DLGAP2: variants seen among roughly 807,000 people sequenced by gnomAD.
DLGAP2 encodes disks large-associated protein 2.
In DLGAP2, 26 loss-of-function variants were observed where a neutral mutation model predicts 100.3. The ratio of observed to expected loss-of-function variants is 0.26; its 90% CI spans 0.19 to 0.36. The LOEUF is 0.36. Ranked by LOEUF, DLGAP2 falls within the 10% of genes least tolerant of loss-of-function variation. The pLI, the probability that DLGAP2 is intolerant of heterozygous loss-of-function variation, is 1.00. For missense variants in DLGAP2, 1,858 were observed against 1,453.2 expected (o/e 1.28, Z -4.53); for synonymous variants, 886 against 630.1 (o/e 1.41, Z -6.08).
chr8:1,306,074 C>CAAAAAAAAAAAAA (rs61647224), intron 3 of DLGAP2, among the ~76,000 whole-genome samples: 201 of 116,318 alleles, frequency 1.7e-3, no homozygotes, highest in African/African-American at 2.4e-3. Context: ...AGAAATTAGG[C>CAAAAAAAAAAAAA]AAAAAAAAAA....
At chr8:1,288,717 TGTTTC>T (rs1299347604) in intron 3 of DLGAP2, among the ~76,000 whole-genome samples, 5 of 147,188 alleles carry the variant, frequency 3.4e-5, no homozygotes, top group South Asian at 2.2e-4. Flanking sequence ...TAGGGGAACT[TGTTTC>T]GTTTCAGTGT....
At chr8:1,356,625 G>A (rs1455193889) in intron 3 of DLGAP2, among the ~76,000 whole-genome samples, 1 of 152,166 alleles carries the variant, frequency 6.6e-6, no homozygotes, top group African/African-American at 2.4e-5. Flanking sequence ...AAGTACGAGG[G>A]GAAAACAGAC....
At chr8:1,581,619 G>T (rs1008573853) in intron 6 of DLGAP2, among the ~76,000 whole-genome samples, 1 of 147,602 alleles carries the variant, frequency 6.8e-6, no homozygotes, top group African/African-American at 2.5e-5. Flanking sequence ...CAGAAGTGAA[G>T]GATACAGACA....
chr8:1,427,677 G>T (rs1273057780), intron 3 of DLGAP2, among the ~76,000 whole-genome samples: 2 of 152,174 alleles, frequency 1.3e-5, no homozygotes, highest in African/African-American at 4.8e-5. Flanking sequence ...GAGATCTGAT[G>T]GTTTTAAAAA....
At chr8:987,267 G>C (rs114498158) in intron 2 of DLGAP2, among the ~76,000 whole-genome samples, 2,528 of 152,224 alleles carry the variant, frequency 0.017, 77 homozygotes, top group African/African-American at 0.057. Context: ...CAGTCACCAT[G>C]TCTGAGATGG....
At chr8:859,261 G>A (rs975252254) in intron 1 of DLGAP2, among the ~76,000 whole-genome samples, 1 of 152,012 alleles carries the variant, frequency 6.6e-6, no homozygotes, top group African/African-American at 2.4e-5. Flanking sequence ...ACAGGCGCAC[G>A]CCACGAAGCC....
intron 2 of DLGAP2, among the ~76,000 whole-genome samples, chr8:914,095 A>G (rs1375696746): frequency 6.6e-6 from 1 of 152,280 alleles, no homozygotes; most frequent in Non-Finnish European, 1.5e-5. Context: ...ATTTCTTTTT[A>G]CCCAGATACT....
At chr8:857,224 G>A (rs61170573) in intron 1 of DLGAP2, among the ~76,000 whole-genome samples, 2,515 of 152,238 alleles carry the variant, frequency 0.017, 77 homozygotes, top group African/African-American at 0.057. Flanking sequence ...AACACAAAAT[G>A]CAAAACTATA....
At chr8:1,479,285 G>A (rs1259869935) in intron 3 of DLGAP2, among the ~76,000 whole-genome samples, 1 of 152,238 alleles carries the variant, frequency 6.6e-6, no homozygotes. Context: ...ATTGGGGGCG[G>A]TGGGGACAGA....
intron 1 of DLGAP2, among the ~76,000 whole-genome samples, chr8:843,321 G>T (rs1797015775): frequency 6.6e-6 from 1 of 152,194 alleles, no homozygotes; most frequent in Non-Finnish European, 1.5e-5. Flanking sequence ...TTTTCCCTCA[G>T]TCCTATTATC....
chr8:1,007,121 T>A (rs927213421), intron 2 of DLGAP2, among the ~76,000 whole-genome samples: 1 of 151,882 alleles, frequency 6.6e-6, no homozygotes, highest in African/African-American at 2.4e-5. Context: ...GTGTCTGAAG[T>A]CTCAGGATAT....
intron 2 of DLGAP2, among the ~76,000 whole-genome samples, chr8:1,158,284 C>A (rs1796828328): frequency 6.6e-6 from 1 of 152,136 alleles, no homozygotes; most frequent in Admixed American, 6.5e-5. Context: ...GTGCATTATA[C>A]TGAGGAAGCA....
chr8:1,174,055 C>G (rs1288168358), intron 2 of DLGAP2, among the ~76,000 whole-genome samples: 1 of 152,156 alleles, frequency 6.6e-6, no homozygotes, highest in East Asian at 1.9e-4. Context: ...CATGACACAG[C>G]TATGCCTGGG....
intron 2 of DLGAP2, among the ~76,000 whole-genome samples, chr8:1,249,216 C>G (rs572634887): frequency 1.1e-4 from 17 of 152,232 alleles, no homozygotes; most frequent in African/African-American, 3.9e-4. Context: ...AGGCTCAGAA[C>G]TCTTAGCATT....
At chr8:901,707 A>T (rs1798255261) in intron 1 of DLGAP2, among the ~76,000 whole-genome samples, 1 of 152,222 alleles carries the variant, frequency 6.6e-6, no homozygotes, top group Non-Finnish European at 1.5e-5. Context: ...TCCAGCAAGA[A>T]CAGCCTCGAT....
At chr8:1,052,337 G>A (rs1232442232) in intron 2 of DLGAP2, among the ~76,000 whole-genome samples, 1 of 152,126 alleles carries the variant, frequency 6.6e-6, no homozygotes, top group Admixed American at 6.5e-5. Flanking sequence ...AATGCCATGG[G>A]GTATTTAAAG....
At chr8:884,430 A>G (rs184550000) in intron 1 of DLGAP2, among the ~76,000 whole-genome samples, 60 of 150,558 alleles carry the variant, frequency 4.0e-4, no homozygotes, top group African/African-American at 1.3e-3. Context: ...GGCTGTGTAA[A>G]TGTCTTCTTT....
intron 8 of DLGAP2, among the ~76,000 whole-genome samples, chr8:1,648,516 A>G (rs1257399871): frequency 6.6e-6 from 1 of 152,130 alleles, no homozygotes; most frequent in East Asian, 1.9e-4. Flanking sequence ...GGAGGTTTGG[A>G]GGCATCTGGG....
In DLGAP2 at chr8:1,052,380, G is replaced by C. The variant is rs1462303920; in HGVS notation, c.73+144414G>C. On this transcript the variant is annotated intron_variant, in intron 2 of 14. Transcript: ENST00000637795. The stretch of plus-strand genomic sequence containing the variant: ...GCCTGTAATCCCTGACTCAAAGGCA[G>C]TAAAAAGGAAATAATTTTTGCAGGT... Among the ~76,000 whole-genome samples the C allele has an allele frequency of 1.3e-5, 2 of 152,230 alleles. 1 individual carries two copies. Among genetic ancestry groups the C allele is most frequent in the Non-Finnish European group, 2.9e-5 (2 of 68,050 alleles).
Sources: gnomAD v4.1 joint callset for allele counts (sites outside exome capture counted in the v4.1 genomes callset) on GRCh38, gnomAD v4.1.1 for gene constraint, MANE v1.5 for transcripts, NCBI Gene and HGNC (gene_info 2026-07-23, HGNC 2026-07-21) for gene names.